CCSER1: variants seen among roughly 807,000 people sequenced by gnomAD.
CCSER1 encodes serine-rich coiled-coil domain-containing protein 1.
A neutral mutation model predicts 82.0 loss-of-function variants in CCSER1; 41 were observed. The observed-to-expected ratio is 0.50, with a 90% CI of 0.39 to 0.65. The LOEUF (loss-of-function observed/expected upper bound fraction) is 0.65. Ranked by LOEUF, CCSER1 falls within the 30% of genes least tolerant of loss-of-function variation. The probability of loss-of-function intolerance (pLI) is 0.00; values close to 1 mark genes in which losing one functional copy is unlikely to be tolerated. For missense variants in CCSER1, 1,119 were observed against 1,064.2 expected (o/e 1.05, Z -0.72); for synonymous variants, 414 against 383.9 (o/e 1.08, Z -0.92).
At chr4:90,753,362 T>A (rs1193933514) in intron 7 of CCSER1, among the ~76,000 whole-genome samples, 1 of 152,102 alleles carries the variant, frequency 6.6e-6, no homozygotes, top group African/African-American at 2.4e-5. Context: ...TTAATGTCCT[T>A]CAGGTAAAAA....
intron 10 of CCSER1, among the ~76,000 whole-genome samples, chr4:91,596,989 T>C (rs559936245): frequency 1.3e-5 from 2 of 151,988 alleles, no homozygotes; most frequent in Non-Finnish European, 2.9e-5. Flanking sequence ...CTTTGTTTTG[T>C]AGAAAAGAAA....
intron 10 of CCSER1, among the ~76,000 whole-genome samples, chr4:91,259,748 A>G (rs1340694171): frequency 2.6e-5 from 4 of 152,126 alleles, no homozygotes; most frequent in Non-Finnish European, 5.9e-5. Context: ...AGCTTCATCC[A>G]TGTCCCTGCA....
intron 1 of CCSER1, among the ~76,000 whole-genome samples, chr4:90,181,958 T>C (rs985778786): frequency 1.3e-5 from 2 of 152,086 alleles, no homozygotes. Context: ...GTTTGGGTCA[T>C]AGGATTTGGG....
intron 10 of CCSER1, among the ~76,000 whole-genome samples, chr4:91,218,341 C>T (rs1055769589): frequency 2.6e-5 from 4 of 152,198 alleles, no homozygotes; most frequent in Non-Finnish European, 4.4e-5. Flanking sequence ...GGTTCCTGCT[C>T]GTGCCTCTCC....
At chr4:91,548,130 C>T (rs1464505013) in intron 10 of CCSER1, among the ~76,000 whole-genome samples, 1 of 152,102 alleles carries the variant, frequency 6.6e-6, no homozygotes, top group Non-Finnish European at 1.5e-5. Context: ...TATTTTCTCT[C>T]CTTTCTTAGA....
intron 10 of CCSER1, among the ~76,000 whole-genome samples, chr4:91,361,034 G>T (rs182659735): frequency 6.6e-6 from 1 of 151,786 alleles, no homozygotes; most frequent in South Asian, 2.1e-4. Context: ...ATTTAAATAA[G>T]GTCTTGAAGA....
chr4:90,483,755 T>C (rs138036027), intron 5 of CCSER1, among the ~76,000 whole-genome samples: 4,026 of 152,358 alleles, frequency 0.026, 186 homozygotes, highest in African/African-American at 0.092. Context: ...GTTAGTGTGA[T>C]GGGCTTCCCT....
intron 8 of CCSER1, among the ~76,000 whole-genome samples, chr4:90,905,152 C>T (rs928251239): frequency 6.6e-6 from 1 of 152,064 alleles, no homozygotes; most frequent in African/African-American, 2.4e-5. Context: ...TAGACAATTG[C>T]ATTATCCTCT....
intron 10 of CCSER1, among the ~76,000 whole-genome samples, chr4:91,255,495 T>C (rs77549532): frequency 6.6e-6 from 1 of 152,144 alleles, no homozygotes; most frequent in African/African-American, 2.4e-5. Flanking sequence ...CCATCACCCT[T>C]GTGGGCAGAC....
At chr4:91,340,291 G>A (rs1747624696) in intron 10 of CCSER1, among the ~76,000 whole-genome samples, 2 of 152,124 alleles carry the variant, frequency 1.3e-5, no homozygotes, top group Admixed American at 1.3e-4. Context: ...ACAGTAGAAA[G>A]TGAAACTACA....
chr4:91,054,497 A>G (rs974066858), intron 9 of CCSER1, among the ~76,000 whole-genome samples: 1 of 151,992 alleles, frequency 6.6e-6, no homozygotes, highest in Non-Finnish European at 1.5e-5. Flanking sequence ...TTTGATTTAA[A>G]GTCTGTTTGT....
At chr4:90,713,331 A>G in intron 6 of CCSER1, among the ~76,000 whole-genome samples, 1 of 152,080 alleles carries the variant, frequency 6.6e-6, no homozygotes, top group East Asian at 1.9e-4. Context: ...CTTGCAAGGC[A>G]GGCCTGGTAG....
Position 90,138,378 on chromosome 4 carries a change from G to A in CCSER1, c.-42+10547G>A, listed in dbSNP as rs142413639. Among the ~76,000 whole-genome samples the A allele has an allele frequency of 2.9e-3, 442 of 152,170 alleles. 3 individuals carry two copies. Among genetic ancestry groups the A allele is most frequent in the African/African-American group, 0.01 (427 of 41,528 alleles). ...AACTAAGAATGACATGAATTTTGTC[G>A]GCATTATGTGAACTACTTCCAGTGC... On this transcript the variant is annotated intron_variant, in intron 1 of 10. Coordinates refer to ENST00000509176, the MANE Select transcript of CCSER1 (RefSeq NM_001145065.2).
chr4:91,268,670 G>A (rs1560555278), intron 10 of CCSER1, among the ~76,000 whole-genome samples: 1 of 152,128 alleles, frequency 6.6e-6, no homozygotes, highest in Non-Finnish European at 1.5e-5. Context: ...AGATAGGGGT[G>A]GGGCTGTTTT....
At chr4:90,947,704 T>C (rs1008503798) in intron 9 of CCSER1, among the ~76,000 whole-genome samples, 2 of 152,160 alleles carry the variant, frequency 1.3e-5, no homozygotes, top group African/African-American at 2.4e-5. Flanking sequence ...CAACACTTTT[T>C]AGTCATTTAT....
intron 10 of CCSER1, among the ~76,000 whole-genome samples, chr4:91,178,962 T>C (rs1231831485): frequency 6.6e-6 from 1 of 152,142 alleles, no homozygotes; most frequent in East Asian, 1.9e-4. Context: ...CCATTTTTAG[T>C]GCTTCCTTAA....
intron 8 of CCSER1, among the ~76,000 whole-genome samples, chr4:90,865,871 G>T (rs1020965916): frequency 3.3e-5 from 5 of 151,978 alleles, no homozygotes; most frequent in Middle Eastern, 3.4e-3. Flanking sequence ...GGTTTAATTG[G>T]CTCATGGTTC....
intron 8 of CCSER1, among the ~76,000 whole-genome samples, chr4:90,844,201 AAT>A (rs370614612): frequency 4.5e-4 from 68 of 150,356 alleles, no homozygotes; most frequent in African/African-American, 1.3e-3. Context: ...ATAGATTGAG[AAT>A]ATATATATAT....
chr4:90,960,850 TTA>T, intron 9 of CCSER1, among the ~76,000 whole-genome samples: 1 of 152,202 alleles, frequency 6.6e-6, no homozygotes, highest in South Asian at 2.1e-4. Context: ...TTAATATATG[TTA>T]AGACACTGCT....
Sources: allele counts gnomAD v4.1 joint callset (sites outside exome capture counted in the v4.1 genomes callset), GRCh38; gene constraint gnomAD v4.1.1; transcripts MANE v1.5; gene names NCBI Gene and HGNC (gene_info 2026-07-23, HGNC 2026-07-21).